Variants in ZNF148 observed in about 807,000 individuals in gnomAD.
The protein encoded by ZNF148 is Beta-Enolase Repressor Factor-1.
A neutral mutation model predicts 67.7 loss-of-function variants in ZNF148; 7 were observed. The observed-to-expected ratio is 0.10, with a 90% CI of 0.06 to 0.19. The LOEUF is 0.19. ZNF148 is among the 10% of genes least tolerant of loss of function. The pLI is 1.00. For missense variants in ZNF148, 583 were observed against 947.1 expected, an observed-to-expected ratio of 0.62 and a Z score of 5.05; for synonymous variants, 333 against 330.7, an observed-to-expected ratio of 1.01 and a Z score of -0.08.
intron 4 of ZNF148, among the ~76,000 whole-genome samples, chr3:125,309,568 TGGTGGCGAAA>T (rs1940084083): frequency 6.6e-6 from 1 of 150,922 alleles, no homozygotes; most frequent in Non-Finnish European, 1.5e-5. Context: ...AAGCATAAAA[TGGTGGCGAAA>T]GGGGCTGAAC....
intron 5 of ZNF148, among the ~76,000 whole-genome samples, chr3:125,285,476 A>G (rs1938607728): frequency 6.6e-6 from 1 of 152,172 alleles, no homozygotes. Context: ...AGTGGTTAAA[A>G]AACAGTCCAA....
intron 1 of ZNF148, chr3:125,357,781 GT>G (rs1344550410): frequency 6.6e-6 from 1 of 152,244 alleles, no homozygotes; most frequent in Non-Finnish European, 1.5e-5. Flanking sequence ...TAAAGAACCA[GT>G]TATCAATAGT....
At chr3:125,352,564 G>A (rs1225615645) in intron 1 of ZNF148, among the ~76,000 whole-genome samples, 1 of 151,424 alleles carries the variant, frequency 6.6e-6, no homozygotes, top group East Asian at 1.9e-4. Flanking sequence ...ACCGTTTAAG[G>A]AAAACTATAT....
chr3:125,259,844 G>A (rs746643256), intron 7 of ZNF148, among the ~76,000 whole-genome samples: 2 of 152,116 alleles, frequency 1.3e-5, no homozygotes, highest in Non-Finnish European at 2.9e-5. Context: ...TAGCTTTTCA[G>A]CCTCTCTTGG....
intron 1 of ZNF148, among the ~76,000 whole-genome samples, chr3:125,348,505 A>C (rs1942028379): frequency 6.8e-6 from 1 of 147,970 alleles, no homozygotes; most frequent in Admixed American, 6.8e-5. Flanking sequence ...AAAAAAAGCT[A>C]TCCAACAGCA....
At chr3:125,261,633 G>A (rs1182345916) in intron 7 of ZNF148, among the ~76,000 whole-genome samples, 2 of 152,080 alleles carry the variant, frequency 1.3e-5, no homozygotes, top group Admixed American at 1.3e-4. Context: ...AGTACTAAAC[G>A]ACATGAGGAG....
At chr3:125,278,742 T>C (rs919161155) in intron 6 of ZNF148, among the ~76,000 whole-genome samples, 8 of 152,188 alleles carry the variant, frequency 5.3e-5, no homozygotes, top group African/African-American at 1.9e-4. Context: ...ACAATTTCAT[T>C]ATCTTAGCTA....
intron 7 of ZNF148, among the ~76,000 whole-genome samples, chr3:125,263,701 TA>T (rs1318483637): frequency 6.6e-6 from 1 of 152,240 alleles, no homozygotes; most frequent in Non-Finnish European, 1.5e-5. Flanking sequence ...ACAGAGCTCC[TA>T]AAATCCTTTC....
At chr3:125,309,962 C>G (rs1940109365) in intron 4 of ZNF148, among the ~76,000 whole-genome samples, 2 of 152,064 alleles carry the variant, frequency 1.3e-5, no homozygotes, top group South Asian at 4.1e-4. Context: ...GGCGTCTGCT[C>G]TAAGACCACA....
intron 3 of ZNF148, among the ~76,000 whole-genome samples, chr3:125,322,480 G>A (rs1446814530): frequency 1.0e-5 from 1 of 99,470 alleles, no homozygotes; most frequent in East Asian, 2.2e-4. Flanking sequence ...CTTTGCAACT[G>A]GTTGTGACGT....
chr3:125,273,666 G>T (rs888580422), intron 7 of ZNF148, among the ~76,000 whole-genome samples: 3 of 151,920 alleles, frequency 2.0e-5, no homozygotes, highest in Non-Finnish European at 4.4e-5. Flanking sequence ...GCTAATTTTT[G>T]TATTTTTAGT....
intron 1 of ZNF148, among the ~76,000 whole-genome samples, chr3:125,338,661 A>G (rs1444247385): frequency 6.8e-6 from 1 of 146,302 alleles, no homozygotes; most frequent in Non-Finnish European, 1.5e-5. Flanking sequence ...CCCTGTCTCA[A>G]AAAAAAAAAA....
intron 4 of ZNF148, among the ~76,000 whole-genome samples, chr3:125,310,323 G>A (rs1009865386): frequency 6.6e-5 from 10 of 151,796 alleles, no homozygotes; most frequent in South Asian, 2.1e-4. Context: ...CAAGTAATCC[G>A]CCACTTTAGC....
At chr3:125,337,691 A>C (rs1941554265) in intron 1 of ZNF148, among the ~76,000 whole-genome samples, 2 of 152,132 alleles carry the variant, frequency 1.3e-5, no homozygotes, top group African/African-American at 4.8e-5. Context: ...CACCCCCTAA[A>C]CACTCACACA....
At chr3:125,340,645 A>G (rs960034538) in intron 1 of ZNF148, among the ~76,000 whole-genome samples, 13 of 152,294 alleles carry the variant, frequency 8.5e-5, no homozygotes, top group Non-Finnish European at 4.4e-5. Context: ...GCCCACTCCT[A>G]AAATAAAAAT....
intron 7 of ZNF148, among the ~76,000 whole-genome samples, chr3:125,260,906 C>G (rs1390172383): frequency 5.9e-5 from 9 of 152,092 alleles, no homozygotes; most frequent in African/African-American, 2.2e-4. Flanking sequence ...ACTATTTGCC[C>G]ATGTTTCTCC....
intron 7 of ZNF148, among the ~76,000 whole-genome samples, chr3:125,256,180 A>G (rs1236631889): frequency 2.0e-5 from 3 of 151,640 alleles, no homozygotes; most frequent in Admixed American, 2.0e-4. Context: ...TGGCTAACAC[A>G]GCAAAACCCT....
chr3:125,267,425 T>C (rs1196533151), intron 7 of ZNF148, among the ~76,000 whole-genome samples: 3 of 151,882 alleles, frequency 2.0e-5, no homozygotes, highest in African/African-American at 7.3e-5. Flanking sequence ...CATATGCAAA[T>C]CAATGAATGT....
At chr3:125,237,984 A>G (rs1032427246) in intron 7 of ZNF148, among the ~76,000 whole-genome samples, 3 of 152,336 alleles carry the variant, frequency 2.0e-5, no homozygotes, top group African/African-American at 7.2e-5. Flanking sequence ...GTAAATCCTT[A>G]CATTTATGGT....
Sources: allele counts gnomAD v4.1 joint callset (sites outside exome capture counted in the v4.1 genomes callset), GRCh38; gene constraint gnomAD v4.1.1; transcripts MANE v1.5; gene names NCBI Gene and HGNC (gene_info 2026-07-23, HGNC 2026-07-21).